Variants in LMOD1 observed in about 807,000 individuals in gnomAD.
LMOD1 encodes leiomodin-1.
LMOD1 carries 8 observed loss-of-function variants against 36.5 expected under a neutral mutation model. The ratio of observed to expected loss-of-function variants is 0.22; its 90% confidence interval spans 0.13 to 0.40. LMOD1 has a LOEUF of 0.40. Among genes scored for constraint, LMOD1 ranks in the 10% least tolerant of loss-of-function variants. The probability of loss-of-function intolerance (pLI) is 1.00; values close to 1 mark genes in which losing one functional copy is unlikely to be tolerated. For synonymous variants in LMOD1, 284 were observed against 288.7 expected (o/e 0.98, Z 0.17); for missense variants, 630 against 751.1 (o/e 0.84, Z 1.88).
At chr1:201,924,193 G>T (rs1024724423) in intron 1 of LMOD1, among the ~76,000 whole-genome samples, 1 of 150,878 alleles carries the variant, frequency 6.6e-6, no homozygotes. Context: ...GAGCGGTGGC[G>T]GGCACCTATA....
chr1:201,900,195 T>C lies in LMOD1; in HGVS notation c.818A>G (p.Lys273Arg). ...TTCCTTTTCATGTAAGGGTTCATTC[T>C]TCTTGACTTTTTCATCGTCCTTTTT... Reference protein sequence around the residue: ...DTKKDDEKVKKNEPLHEKEAK... With the variant: ...DTKKDDEKVKRNEPLHEKEAK... The change falls in exon 2 of 3, where the codon AAG becomes AGG. Residue 273 changes from lysine to arginine, a missense_variant. Physicochemically the swap from Lys to Arg is conservative, Grantham distance 26. Around this residue, in one of 3 missense-constraint regions of LMOD1, gnomAD observed 405 missense variants for 400.6 expected, o/e 1.01. Transcript: ENST00000367288. 6.2e-7 allele frequency: 1 copy of C among 1,613,990 alleles called. No homozygotes were observed. The highest frequency in any genetic ancestry group is 1.6e-4 in the Middle Eastern group (1 of 6,062).
rs2102905982 is a variant in LMOD1, at chr1:201,897,055, C to T, written c.*1317G>A. 1 of 289,128 alleles carries T rather than the reference C, an allele frequency of 3.5e-6. No individual in the cohort carries two copies. The highest frequency in any genetic ancestry group is 8.6e-5 in the East Asian group (1 of 11,648). 17.9% of individuals were successfully genotyped at this position (289,128 alleles called of 1,614,324 possible). ...ATGAAATTCAGAAAGATGCCTTTCA[C>T]CTACACCCGATGGTGGGCATGGCAG... On this transcript the variant is annotated 3_prime_UTR_variant, in exon 3 of 3. Transcript: ENST00000367288.
intron 1 of LMOD1, among the ~76,000 whole-genome samples, chr1:201,945,748 T>C (rs1405877991): frequency 1.3e-5 from 2 of 152,136 alleles, no homozygotes; most frequent in Non-Finnish European, 2.9e-5. Flanking sequence ...GGAATGAGTG[T>C]GGAGAAAAAC....
At chr1:201,946,053 C>A (rs757246573) in intron 1 of LMOD1, 27 bp downstream of exon 1, 2 of 1,597,434 alleles carry the variant, frequency 1.3e-6, no homozygotes, top group South Asian at 2.2e-5. Flanking sequence ...TGTCTCCCTC[C>A]TCCCCTCCAG....
intron 1 of LMOD1, among the ~76,000 whole-genome samples, chr1:201,931,864 G>C (rs549844124): frequency 6.6e-6 from 1 of 152,122 alleles, no homozygotes; most frequent in East Asian, 1.9e-4. Context: ...TCATGCCACT[G>C]CACTCCAACC....
chr1:201,896,532 T>C lies in LMOD1; in HGVS notation c.*1840A>G, dbSNP rs1308569777. Reference sequence around the variant, plus strand: ...TCTGGGCCAAATTCTATCTGCAAAATAGAATATTGGTATCCACCTCACAGA... The same window carrying C: ...TCTGGGCCAAATTCTATCTGCAAAACAGAATATTGGTATCCACCTCACAGA... On this transcript the variant is annotated 3_prime_UTR_variant, in exon 3 of 3. Coordinates refer to ENST00000367288, the MANE Select transcript of LMOD1 (RefSeq NM_012134.3). 2.2e-6 allele frequency: 1 copy of C among 456,632 alleles called. No individual in the cohort carries two copies. 28.3% of individuals were successfully genotyped at this position (456,632 alleles called of 1,614,324 possible). A position where few individuals can be genotyped will look rare whatever the true frequency, so the allele number is the denominator to read the frequency against.
intron 1 of LMOD1, among the ~76,000 whole-genome samples, chr1:201,908,419 T>C (rs1276377490): frequency 6.6e-6 from 1 of 152,168 alleles, no homozygotes; most frequent in Non-Finnish European, 1.5e-5. Context: ...AGTGCAAGTA[T>C]AACCTCACCC....
chr1:201,926,202 A>G (rs189786758), intron 1 of LMOD1, among the ~76,000 whole-genome samples: 4 of 152,246 alleles, frequency 2.6e-5, no homozygotes, highest in Non-Finnish European at 1.5e-5. Flanking sequence ...AAAGAATAAC[A>G]TGTGTGGCCT....
intron 1 of LMOD1, among the ~76,000 whole-genome samples, chr1:201,903,401 C>G (rs748952863): frequency 3.9e-5 from 6 of 152,180 alleles, no homozygotes; most frequent in Non-Finnish European, 7.4e-5. Context: ...GGTGATGGAG[C>G]AAGGGGCAGA....
At chr1:201,902,737 G>T (rs974494077) in intron 1 of LMOD1, among the ~76,000 whole-genome samples, 1 of 152,124 alleles carries the variant, frequency 6.6e-6, no homozygotes, top group African/African-American at 2.4e-5. Context: ...GAGCCGCCGC[G>T]CCAGGCTGGG....
intron 1 of LMOD1, among the ~76,000 whole-genome samples, chr1:201,926,433 C>T (rs547973414): frequency 2.6e-5 from 4 of 152,068 alleles, no homozygotes; most frequent in Non-Finnish European, 4.4e-5. Flanking sequence ...AGAAGGAGCC[C>T]GTGCTGAGGC....
chr1:201,942,058 G>A (rs1392175353), intron 1 of LMOD1, among the ~76,000 whole-genome samples: 2 of 152,200 alleles, frequency 1.3e-5, no homozygotes, highest in Non-Finnish European at 2.9e-5. Flanking sequence ...CTGGGCTGAA[G>A]GAGAGTTCCC....
intron 1 of LMOD1, among the ~76,000 whole-genome samples, chr1:201,930,242 G>A (rs890699146): frequency 6.6e-6 from 1 of 152,192 alleles, no homozygotes; most frequent in Non-Finnish European, 1.5e-5. Flanking sequence ...CTTTTACACA[G>A]GGAAGGTCAA....
intron 1 of LMOD1, among the ~76,000 whole-genome samples, chr1:201,901,965 TA>T (rs1403559779): frequency 9.6e-4 from 38 of 39,724 alleles, no homozygotes; most frequent in East Asian, 1.1e-3. Flanking sequence ...TTATTATTAT[TA>T]TTTTTTTTTT....
chr1:201,935,940 C>G (rs533800672), intron 1 of LMOD1, among the ~76,000 whole-genome samples: 4 of 151,242 alleles, frequency 2.6e-5, no homozygotes, highest in Admixed American at 6.6e-5. Flanking sequence ...TGGTGAAACC[C>G]CTGTCTCTAC....
chr1:201,946,234 A>G lies in LMOD1; in HGVS notation c.107T>C (p.Leu36Pro), dbSNP rs1380623511. Residue 36 changes from leucine (L) to proline (P), a missense_variant, in exon 1 of 3, where the codon CTG (leucine) becomes CCG (proline). Leu to Pro is a moderately conservative substitution (Grantham distance 98, BLOSUM62 -3). Coordinates refer to ENST00000367288, the MANE Select transcript of LMOD1 (RefSeq NM_012134.3). Reference sequence around the variant, plus strand: ...ACTCCCGTCTGGGTCCACCACGTCCAGCTCCTTCTCCAGCTCCTCCATCTC... The same window carrying G: ...ACTCCCGTCTGGGTCCACCACGTCCGGCTCCTTCTCCAGCTCCTCCATCTC... Reference protein sequence around the residue: ...PEEMEELEKELDVVDPDGSVP... With the variant: ...PEEMEELEKEPDVVDPDGSVP... 6.2e-7 allele frequency: 1 copy of G among 1,613,962 alleles called. No individual in the cohort carries two copies. Among genetic ancestry groups the G allele is most frequent in the Non-Finnish European group, 8.5e-7 (1 of 1,179,888 alleles).
chr1:201,922,832 AT>A (rs960640210), intron 1 of LMOD1, among the ~76,000 whole-genome samples: 25 of 149,016 alleles, frequency 1.7e-4, no homozygotes, highest in African/African-American at 2.9e-4. Context: ...AAAGGAGTGA[AT>A]TTTTTTTTTG....
Position 201,899,262 on chromosome 1 carries a change from G to A in LMOD1, c.1751C>T (p.Ser584Phe), listed in dbSNP as rs1380843190. The A allele has an allele frequency of 6.3e-7, 1 of 1,599,482 alleles. No individual in the cohort carries two copies. Among genetic ancestry groups the A allele is most frequent in the Non-Finnish European group, 8.5e-7 (1 of 1,170,942 alleles). Residue 584 changes from serine (S) to phenylalanine (F), a missense_variant, in exon 2 of 3, where the codon TCC (serine) becomes TTC (phenylalanine). By Grantham distance (155) the Ser-to-Phe change is radical. Around this residue, in one of 3 missense-constraint regions of LMOD1, gnomAD observed 144 missense variants for 169.8 expected, o/e 0.85. Coordinates refer to ENST00000367288, the MANE Select transcript of LMOD1 (RefSeq NM_012134.3). This position sits in a 1 kb window ranked among gnomAD's most constrained non-coding sequence, Gnocchi z 6.3. ...SRDQLLAAIR[S>F]SNLKQLKKVE... The stretch of plus-strand genomic sequence containing the variant: ...CTTCTTGAGCTGCTTGAGGTTGCTG[G>A]AGCGGATGGCAGCCAATAGCTGGTC...
intron 1 of LMOD1, among the ~76,000 whole-genome samples, chr1:201,916,706 A>C (rs575017395): frequency 6.6e-6 from 1 of 152,150 alleles, no homozygotes; most frequent in Non-Finnish European, 1.5e-5. Context: ...ATTCCCCGTC[A>C]CTGTGCTCAG....
Sources: allele counts gnomAD v4.1 joint callset (sites outside exome capture counted in the v4.1 genomes callset), GRCh38; gene constraint gnomAD v4.1.1; regional missense constraint gnomAD v4.1.1; non-coding constraint Gnocchi (gnomAD v3.1); transcripts MANE v1.5; gene names NCBI Gene and HGNC (gene_info 2026-07-23, HGNC 2026-07-21).